Variants in ESR1 observed in about 807,000 individuals in gnomAD.
ESR1 encodes the protein estrogen receptor.
A neutral mutation model predicts 52.7 loss-of-function variants in ESR1; 12 were observed. The ratio of observed to expected loss-of-function variants is 0.23; its 90% CI spans 0.15 to 0.37. The LOEUF is 0.37. Ranked by LOEUF, ESR1 falls within the 10% of genes least tolerant of loss-of-function variation. ESR1 has a pLI of 1.00. For missense variants in ESR1, 584 were observed against 779.7 expected (o/e 0.75, Z 2.99); for synonymous variants, 305 against 316.8 (o/e 0.96, Z 0.39).
chr6:151,798,868 C>A (rs937852600), intron 2 of ESR1, among the ~76,000 whole-genome samples: 1 of 152,158 alleles, frequency 6.6e-6, no homozygotes, highest in African/African-American at 2.4e-5. Flanking sequence ...AATGAACTCT[C>A]TTCTGATGAG....
At chr6:151,677,240 T>A (rs886462931) in intron 1 of ESR1, among the ~76,000 whole-genome samples, 1 of 152,226 alleles carries the variant, frequency 6.6e-6, no homozygotes, top group Non-Finnish European at 1.5e-5. Flanking sequence ...ATGACACCAG[T>A]AACGATAGGT....
rs149421418 is a variant in ESR1, at chr6:151,787,186, T to C, written c.-70-20657T>C. ...GGTCTTATTTCTGGGCTCTCTATTC[T>C]GTTCCATCAGTCTATGTGTCTGTTT... On this transcript the variant is annotated intron_variant, in intron 2 of 2. Transcript: ENST00000404742. Among the ~76,000 whole-genome samples, 8 of 152,320 alleles carry C rather than the reference T, an allele frequency of 5.3e-5. No homozygotes were observed. The East Asian group carries it at 1.4e-3, about 26-fold the overall frequency.
At chr6:151,992,171 G>A (rs1400301619) in intron 4 of ESR1, among the ~76,000 whole-genome samples, 1 of 152,090 alleles carries the variant, frequency 6.6e-6, no homozygotes, top group Non-Finnish European at 1.5e-5. Flanking sequence ...TATAAGTAAC[G>A]TACAATTTAC....
downstream of ESR1, among the ~76,000 whole-genome samples, chr6:152,105,275 C>G (rs982053859): frequency 6.6e-6 from 1 of 152,170 alleles, no homozygotes; most frequent in Admixed American, 6.5e-5. Flanking sequence ...GTATAGGTGA[C>G]AACTTAGTAC....
intron 2 of ESR1, among the ~76,000 whole-genome samples, chr6:151,742,126 G>C (rs1299708162): frequency 6.6e-6 from 1 of 152,108 alleles, no homozygotes; most frequent in Admixed American, 6.6e-5. Flanking sequence ...CGTTTTTAAG[G>C]CTGAATAATA....
intron 4 of ESR1, among the ~76,000 whole-genome samples, chr6:151,955,755 C>A (rs183429426): frequency 3.0e-4 from 45 of 152,204 alleles, no homozygotes; most frequent in Admixed American, 2.6e-3. Context: ...TTCAGGGGTA[C>A]ATGTGCAAGT....
At chr6:151,765,582 GGTTCTCCAC>G (rs756188404) in intron 2 of ESR1, among the ~76,000 whole-genome samples, 4 of 152,124 alleles carry the variant, frequency 2.6e-5, no homozygotes, top group Admixed American at 6.5e-5. Context: ...AGATCCAGTA[GGTTCTCCAC>G]CTTTTTTTAA....
At chr6:152,042,642 T>G (rs1387074190) in intron 5 of ESR1, among the ~76,000 whole-genome samples, 1 of 152,158 alleles carries the variant, frequency 6.6e-6, no homozygotes, top group African/African-American at 2.4e-5. Flanking sequence ...AGTCTGCAAA[T>G]TGATTGAGGG....
chr6:152,075,241 A>G (rs1033187491), intron 6 of ESR1, among the ~76,000 whole-genome samples: 1 of 152,188 alleles, frequency 6.6e-6, no homozygotes, highest in African/African-American at 2.4e-5. Context: ...ATTGCATATG[A>G]GGACTTTACA....
At chr6:151,842,940 A>C (rs926077073) in intron 2 of ESR1, 153 bp downstream of exon 2, 20 of 686,368 alleles carry the variant, frequency 2.9e-5, no homozygotes, top group Middle Eastern at 4.0e-4. Context: ...AACATGGAGA[A>C]GAGACAGGAT....
chr6:151,986,125 C>T (rs1216045907), intron 4 of ESR1, among the ~76,000 whole-genome samples: 1 of 152,014 alleles, frequency 6.6e-6, no homozygotes, highest in African/African-American at 2.4e-5. Context: ...GTGGAGAAGG[C>T]GTGATATGGA....
chr6:151,839,341 A>G (rs1236279279), intron 1 of ESR1, among the ~76,000 whole-genome samples: 2 of 152,094 alleles, frequency 1.3e-5, no homozygotes, highest in Non-Finnish European at 2.9e-5. Flanking sequence ...AAAAGAAGAG[A>G]GTAAGTGTTG....
At chr6:151,823,478 T>C (rs1049978854) in intron 1 of ESR1, among the ~76,000 whole-genome samples, 4 of 152,242 alleles carry the variant, frequency 2.6e-5, no homozygotes, top group Non-Finnish European at 4.4e-5. Flanking sequence ...GTTTTTCTTT[T>C]TTTCTAATTA....
rs983341011 is a variant in ESR1 at position 151,696,602 on chromosome 6, GGC to G, written c.-201-5272_-201-5271del. Among the ~76,000 whole-genome samples the G allele has an allele frequency of 3.2e-4, 49 of 151,624 alleles. 1 individual carries two copies. Among genetic ancestry groups the G allele is most frequent in the African/African-American group, 1.1e-3 (45 of 41,486 alleles). On this transcript the variant is annotated intron_variant, in intron 1 of 2. Transcript: ENST00000404742. ...AAGTGCCTGGTACACACTGGTGTTT[GGC>G]ACATAATTGTAGAGTGAGATTGAGC...
chr6:152,074,086 T>C (rs2048546647), intron 6 of ESR1, among the ~76,000 whole-genome samples: 1 of 152,178 alleles, frequency 6.6e-6, no homozygotes, highest in African/African-American at 2.4e-5. Context: ...GAGAGGTACA[T>C]TGGTTACAGC....
intron 2 of ESR1, among the ~76,000 whole-genome samples, chr6:151,777,164 C>G (rs1165224562): frequency 6.6e-6 from 1 of 150,880 alleles, no homozygotes; most frequent in African/African-American, 2.4e-5. Flanking sequence ...GTCGCCCAGC[C>G]TAGAGTGTAG....
intron 4 of ESR1, among the ~76,000 whole-genome samples, chr6:151,960,753 G>A (rs924463296): frequency 6.6e-6 from 1 of 152,136 alleles, no homozygotes; most frequent in African/African-American, 2.4e-5. Flanking sequence ...ATCCAAAGGG[G>A]GCCAAAGATT....
downstream of ESR1, among the ~76,000 whole-genome samples, chr6:152,107,152 A>G (rs1468919932): frequency 6.6e-6 from 1 of 152,134 alleles, no homozygotes; most frequent in African/African-American, 2.4e-5. Context: ...AAACTTGGGA[A>G]GTTTTCAGCC....
rs1190991169 is a variant in ESR1 at position 151,960,460 on chromosome 6, AAGTT to A, written c.1096+15955_1096+15958del. Among the ~76,000 whole-genome samples the A allele has an allele frequency of 2.6e-5, 4 of 152,150 alleles. 1 individual carries two copies. In the South Asian group the frequency reaches 6.2e-4, roughly 24 times the overall value. On this transcript the variant is annotated intron_variant, in intron 4 of 7. Transcript: ENST00000206249. ...GCAACACCTGAAGGAGGAGGTGAGA[AAGTT>A]AGCCATGTGGAGGGAGCAGCATTCC...
Sources: gnomAD v4.1 joint callset for allele counts (sites outside exome capture counted in the v4.1 genomes callset) on GRCh38, gnomAD v4.1.1 for gene constraint, MANE v1.5 for transcripts, NCBI Gene and HGNC (gene_info 2026-07-23, HGNC 2026-07-21) for gene names.